KAZN: variants seen among roughly 807,000 people sequenced by gnomAD.
KAZN encodes kazrin, periplakin interacting protein.
In KAZN, 40 loss-of-function variants were observed where a neutral mutation model predicts 87.4. That is an observed-to-expected ratio of 0.46 (90% CI 0.36 to 0.60). The LOEUF (loss-of-function observed/expected upper bound fraction) is 0.60. KAZN is among the 20% of genes least tolerant of loss of function. KAZN has a pLI of 0.00. For synonymous variants in KAZN, 466 were observed against 458.3 expected, an observed-to-expected ratio of 1.02 and a Z score of -0.22; for missense variants, 898 against 1,073.9, an observed-to-expected ratio of 0.84 and a Z score of 2.29.
At chr1:13,999,112 G>A (rs1253118455) in intron 1 of KAZN, among the ~76,000 whole-genome samples, 1 of 152,178 alleles carries the variant, frequency 6.6e-6, no homozygotes, top group African/African-American at 2.4e-5. Flanking sequence ...AACTTTGGGA[G>A]GCCGAGGCAG....
intron 2 of KAZN, among the ~76,000 whole-genome samples, chr1:14,419,940 T>G (rs571328029): frequency 7.9e-5 from 12 of 152,214 alleles, no homozygotes; most frequent in African/African-American, 2.9e-4. Flanking sequence ...GAACAAAACT[T>G]CCACAAGGTG....
At chr1:14,754,254 G>A (rs905398209) in intron 1 of KAZN, among the ~76,000 whole-genome samples, 1 of 152,192 alleles carries the variant, frequency 6.6e-6, no homozygotes, top group East Asian at 1.9e-4. Flanking sequence ...GGATACAGTG[G>A]GGAGGCCAGT....
chr1:14,157,133 T>C (rs940117640), intron 1 of KAZN, among the ~76,000 whole-genome samples: 2 of 152,184 alleles, frequency 1.3e-5, no homozygotes, highest in Non-Finnish European at 2.9e-5. Context: ...AACTCTATGC[T>C]TTAACTTCAT....
intron 13 of KAZN, among the ~76,000 whole-genome samples, chr1:15,105,475 A>G (rs1232627101): frequency 2.6e-5 from 4 of 151,814 alleles, no homozygotes; most frequent in Admixed American, 1.3e-4. Flanking sequence ...TTTTTATCTT[A>G]TAGTGCCTCT....
chr1:14,529,656 A>T (rs1247871132), intron 2 of KAZN, among the ~76,000 whole-genome samples: 1 of 152,176 alleles, frequency 6.6e-6, no homozygotes, highest in Non-Finnish European at 1.5e-5. Context: ...GCCCCAATAG[A>T]GGAGAAGGAA....
intron 2 of KAZN, among the ~76,000 whole-genome samples, chr1:14,550,738 T>TCTCCC (rs1329797253): frequency 2.6e-5 from 1 of 37,990 alleles, no homozygotes; most frequent in African/African-American, 9.8e-5. Context: ...TCTCTCTCTC[T>TCTCCC]CCCCCACCCC....
At chr1:13,935,657 A>T (rs2100950152) in intron 1 of KAZN, among the ~76,000 whole-genome samples, 1 of 152,304 alleles carries the variant, frequency 6.6e-6, no homozygotes, top group South Asian at 2.1e-4. Flanking sequence ...AGCCACAAAC[A>T]CATGTGTAGT....
chr1:14,324,131 C>T (rs1656240185), intron 2 of KAZN, among the ~76,000 whole-genome samples: 2 of 152,158 alleles, frequency 1.3e-5, no homozygotes, highest in South Asian at 4.1e-4. Flanking sequence ...TGATGTGCCT[C>T]CCACTGTAAC....
intron 1 of KAZN, among the ~76,000 whole-genome samples, chr1:14,804,385 A>G (rs562722314): frequency 1.6e-4 from 25 of 152,250 alleles, no homozygotes; most frequent in African/African-American, 5.8e-4. Context: ...TGGGGCTTAC[A>G]AGCCTCTGGC....
intron 2 of KAZN, among the ~76,000 whole-genome samples, chr1:14,262,585 C>T (rs1184266365): frequency 6.6e-6 from 1 of 152,212 alleles, no homozygotes; most frequent in Non-Finnish European, 1.5e-5. Context: ...AGATGGGTCA[C>T]CTGCCTTGAA....
At chr1:14,711,344 A>C (rs1278217198) in intron 1 of KAZN, among the ~76,000 whole-genome samples, 1 of 151,756 alleles carries the variant, frequency 6.6e-6, no homozygotes, top group Non-Finnish European at 1.5e-5. Flanking sequence ...CTGTTTCCAA[A>C]AAAAAAAAAA....
chr1:14,275,252 G>A (rs931264588), intron 2 of KAZN, among the ~76,000 whole-genome samples: 15 of 152,086 alleles, frequency 9.9e-5, no homozygotes, highest in Non-Finnish European at 2.1e-4. Context: ...CATAGCAACA[G>A]TCCTCACAAT....
At chr1:14,422,821 G>T (rs1253706587) in intron 2 of KAZN, among the ~76,000 whole-genome samples, 1 of 152,190 alleles carries the variant, frequency 6.6e-6, no homozygotes, top group African/African-American at 2.4e-5. Flanking sequence ...CTGGGTCTCA[G>T]ATTCTAATCC....
chr1:15,045,427 C>T (rs774289628), intron 4 of KAZN, among the ~76,000 whole-genome samples: 1 of 152,166 alleles, frequency 6.6e-6, no homozygotes, highest in Non-Finnish European at 1.5e-5. Flanking sequence ...GTAGTTGACC[C>T]TTAAACAACG....
intron 1 of KAZN, among the ~76,000 whole-genome samples, chr1:14,154,527 C>T (rs891287320): frequency 2.0e-5 from 3 of 152,104 alleles, no homozygotes; most frequent in Non-Finnish European, 2.9e-5. Context: ...ATTTCCAGTA[C>T]TATGTTGAGT....
intron 1 of KAZN, among the ~76,000 whole-genome samples, chr1:14,728,052 G>T (rs1203850351): frequency 6.6e-6 from 1 of 151,756 alleles, no homozygotes; most frequent in Non-Finnish European, 1.5e-5. Context: ...TTGGGAGGCC[G>T]AGACGGGCGG....
intron 2 of KAZN, among the ~76,000 whole-genome samples, chr1:14,191,815 G>A (rs56903017): frequency 0.017 from 2,640 of 152,238 alleles, 81 homozygotes; most frequent in African/African-American, 0.06. Flanking sequence ...CTGCACAGCA[G>A]CTGCCTCACA....
intron 1 of KAZN, among the ~76,000 whole-genome samples, chr1:14,936,685 C>G (rs1483651852): frequency 6.6e-6 from 1 of 152,218 alleles, no homozygotes; most frequent in Non-Finnish European, 1.5e-5. Context: ...CTGGAACTGA[C>G]AGCTGAGCAG....
chr1:14,688,252 T>G (rs1484582962), intron 1 of KAZN, among the ~76,000 whole-genome samples: 6 of 152,182 alleles, frequency 3.9e-5, no homozygotes. Context: ...TGAGATTGGG[T>G]TTGGTTCCAG....
Sources: allele counts gnomAD v4.1 joint callset (sites outside exome capture counted in the v4.1 genomes callset), GRCh38; gene constraint gnomAD v4.1.1; transcripts MANE v1.5; gene names NCBI Gene and HGNC (gene_info 2026-07-23, HGNC 2026-07-21).